SRL: variants seen among roughly 807,000 people sequenced by gnomAD.
SRL encodes sarcalumenin.
A neutral mutation model predicts 39.5 loss-of-function variants in SRL; 23 were observed. The observed-to-expected ratio is 0.58, with a 90% CI of 0.42 to 0.82. The LOEUF is 0.82. Among genes scored for constraint, SRL ranks in the 40% least tolerant of loss-of-function variants. The pLI, the probability that SRL is intolerant of heterozygous loss-of-function variation, is 0.00. For synonymous variants in SRL, 272 were observed against 237.4 expected, an observed-to-expected ratio of 1.15 and a Z score of -1.34; for missense variants, 592 against 607.8, an observed-to-expected ratio of 0.97 and a Z score of 0.27.
intron 1 of SRL, among the ~76,000 whole-genome samples, chr16:4,237,433 C>T (rs754151547): frequency 2.7e-4 from 41 of 152,140 alleles, no homozygotes; most frequent in Non-Finnish European, 5.4e-4. Flanking sequence ...CCCAACCCCT[C>T]GCCCAGGTCC....
intron 1 of SRL, among the ~76,000 whole-genome samples, chr16:4,213,474 A>G (rs1386037419): frequency 7.4e-6 from 1 of 134,562 alleles, no homozygotes; most frequent in East Asian, 2.1e-4. Flanking sequence ...CAATGGCACA[A>G]TGACACCTCA....
intron 1 of SRL, among the ~76,000 whole-genome samples, chr16:4,230,596 C>T (rs992648469): frequency 9.2e-5 from 14 of 151,456 alleles, no homozygotes; most frequent in Admixed American, 1.3e-4. Flanking sequence ...ACCATGTTGG[C>T]CAGGCTGGTC....
intron 1 of SRL, among the ~76,000 whole-genome samples, chr16:4,212,551 G>C (rs1480178275): frequency 6.6e-6 from 1 of 152,210 alleles, no homozygotes; most frequent in East Asian, 1.9e-4. Flanking sequence ...AGGACACCCT[G>C]GAGAGGTGAA....
chr16:4,241,859 C>T (rs1243711158), intron 1 of SRL, 148 bp downstream of exon 1: 16 of 801,992 alleles, frequency 2.0e-5, no homozygotes, highest in East Asian at 8.0e-5. Flanking sequence ...GCCCCAGGCC[C>T]GGGGAAAAGA....
intron 4 of SRL, among the ~76,000 whole-genome samples, chr16:4,196,373 C>G (rs557869385): frequency 2.0e-5 from 3 of 152,094 alleles, no homozygotes; most frequent in African/African-American, 7.2e-5. Context: ...ATCTTCCCAA[C>G]TGAAAACTCT....
At chr16:4,213,417 T>C (rs1368019811) in intron 1 of SRL, among the ~76,000 whole-genome samples, 29 of 130,904 alleles carry the variant, frequency 2.2e-4, no homozygotes, top group African/African-American at 8.5e-4. Flanking sequence ...TTTTTTTTTT[T>C]TTTTTTTTTT....
intron 1 of SRL, among the ~76,000 whole-genome samples, chr16:4,223,090 G>C (rs1454521774): frequency 2.6e-5 from 4 of 151,770 alleles, no homozygotes; most frequent in Non-Finnish European, 1.5e-5. Flanking sequence ...AAATTAGCCG[G>C]GCATGGTGAC....
chr16:4,238,084 G>A (rs953419740), intron 1 of SRL, among the ~76,000 whole-genome samples: 1 of 152,244 alleles, frequency 6.6e-6, no homozygotes, highest in Non-Finnish European at 1.5e-5. Context: ...ATGGGTTCAC[G>A]AATGATGGAA....
chr16:4,204,506 C>G (rs2052289968), intron 2 of SRL, 27 bp downstream of exon 2: 2 of 1,541,354 alleles, frequency 1.3e-6, no homozygotes, highest in South Asian at 1.1e-5. Flanking sequence ...TCTCCCAGCC[C>G]TGGGCATATC....
chr16:4,197,222 T>C (rs9931584), intron 4 of SRL, among the ~76,000 whole-genome samples: 77,837 of 150,182 alleles, frequency 0.52, 20,572 homozygotes, highest in African/African-American at 0.63. Flanking sequence ...GCACCCGCCA[T>C]CACACCCAGC....
chr16:4,231,219 G>A (rs566448046), intron 1 of SRL, among the ~76,000 whole-genome samples: 1 of 152,140 alleles, frequency 6.6e-6, no homozygotes, highest in African/African-American at 2.4e-5. Flanking sequence ...GGGAGGCTGT[G>A]GTGGGAGGAT....
intron 5 of SRL, among the ~76,000 whole-genome samples, chr16:4,194,461 T>A (rs539049673): frequency 6.6e-6 from 1 of 152,252 alleles, no homozygotes; most frequent in Admixed American, 6.5e-5. Context: ...GCTAAAGGCT[T>A]ATGGGGAAGC....
intron 1 of SRL, among the ~76,000 whole-genome samples, chr16:4,238,857 G>A (rs2052741727): frequency 6.6e-6 from 1 of 151,670 alleles, no homozygotes; most frequent in African/African-American, 2.4e-5. Context: ...TTAGCTTCAA[G>A]CGATCCTCCC....
chr16:4,232,044 C>T (rs757051661), intron 1 of SRL, among the ~76,000 whole-genome samples: 42 of 152,328 alleles, frequency 2.8e-4, no homozygotes, highest in Non-Finnish European at 3.8e-4. Flanking sequence ...GCTCTGCCCC[C>T]GGGTTCCGGT....
Position 4,203,220 on chromosome 16 carries a change from TGATG to T in SRL, c.201_204del (p.Ile68SerfsTer41). The T allele has an allele frequency of 6.2e-7, 1 of 1,614,164 alleles. No individual in the cohort carries two copies. Among genetic ancestry groups the T allele is most frequent in the Non-Finnish European group, 8.5e-7 (1 of 1,180,016 alleles). The stretch of plus-strand genomic sequence containing the variant: ...TACTTGTAGGACTGCTCCAGAGGCT[TGATG>T]GATGAGTGGTAGATCTTCCGAAGCC... On this transcript the variant is annotated frameshift_variant, in exon 3 of 6. Transcript: ENST00000399609. LOFTEE classifies it high-confidence loss of function.
At chr16:4,240,872 T>G (rs2052765591) in intron 1 of SRL, among the ~76,000 whole-genome samples, 1 of 152,148 alleles carries the variant, frequency 6.6e-6, no homozygotes, top group Non-Finnish European at 1.5e-5. Context: ...CTCAAGCCGC[T>G]GCAGCCCTGC....
Position 4,192,112 on chromosome 16 carries a change from A to G in SRL, c.*41T>C. On this transcript the variant is annotated 3_prime_UTR_variant, in exon 6 of 6. Coordinates refer to ENST00000399609, the MANE Select transcript of SRL (RefSeq NM_001098814.2). The surrounding 1 kb of genome is among the most constrained non-coding windows in gnomAD (Gnocchi z 4.0). ...AGGACCTCTCAGACAGTTAGGACACAAGCTGATTCACCAACAGGAACCCAA... is the reference window on the plus strand; with the variant it reads ...AGGACCTCTCAGACAGTTAGGACACGAGCTGATTCACCAACAGGAACCCAA... 2.0e-6 allele frequency: 3 copies of G among 1,519,034 alleles called. No homozygotes were observed. The highest frequency in any genetic ancestry group is 2.6e-6 in the Non-Finnish European group (3 of 1,134,568). The allele number at this position is 1,519,034 out of a possible 1,614,324, so 94.1% of individuals were successfully genotyped here.
At chr16:4,195,127 T>C (rs1048935743) in intron 5 of SRL, among the ~76,000 whole-genome samples, 1 of 151,780 alleles carries the variant, frequency 6.6e-6, no homozygotes, top group Non-Finnish European at 1.5e-5. Context: ...ACACCTGGGC[T>C]TAAGTGATCC....
chr16:4,204,721 C>CTCG, intron 1 of SRL, 87 bp from the exon 2 acceptor site: 1 of 1,196,964 alleles, frequency 8.4e-7, no homozygotes, highest in Non-Finnish European at 1.2e-6. Context: ...AGGGCTGGGC[C>CTCG]TCAAGCAGGG....
Sources: allele counts gnomAD v4.1 joint callset (sites outside exome capture counted in the v4.1 genomes callset), GRCh38; gene constraint gnomAD v4.1.1; non-coding constraint Gnocchi (gnomAD v3.1); transcripts MANE v1.5; gene names NCBI Gene and HGNC (gene_info 2026-07-23, HGNC 2026-07-21).